The following ART3 variants were observed in gnomAD, a reference collection of about 807,000 sequenced individuals.
The protein encoded by ART3 is ADP-ribosyltransferase 3 (inactive).
Under a neutral mutation model 48.5 loss-of-function variants are expected in ART3, and 49 were observed. That is an observed-to-expected ratio of 1.01 (90% CI 0.80 to 1.28). ART3 has a LOEUF of 1.28. Among genes scored for constraint, ART3 ranks in the 50% most tolerant of loss-of-function variants. ART3 has a pLI of 0.00. For missense variants in ART3, 438 were observed against 454.3 expected, an observed-to-expected ratio of 0.96 and a Z score of 0.33; for synonymous variants, 145 against 157.2, an observed-to-expected ratio of 0.92 and a Z score of 0.58.
chr4:76,022,657 C>A, intron 1 of ART3: 1 of 1,606,358 alleles, frequency 6.2e-7, no homozygotes, highest in Non-Finnish European at 8.5e-7. Flanking sequence ...TAATTACAAC[C>A]AGGGAAGTGA....
Position 76,022,279 on chromosome 4 carries a change from C to T in ART3, c.-10+10959C>T, listed in dbSNP as rs1199199869. ...TAACATACTTTTAAACCAGCGATTG[C>T]ACAGCAAACCACAATGCAAGTATTT... On this transcript the variant is annotated intron_variant, in intron 1 of 9. Coordinates refer to the ART3 transcript ENST00000341029. 5 of 1,104,582 alleles carry T rather than the reference C, an allele frequency of 4.5e-6. No homozygotes were observed. In the East Asian group the frequency reaches 9.4e-5, roughly 21 times the overall value. 68.4% of individuals were successfully genotyped at this position (1,104,582 alleles called of 1,614,324 possible).
At chr4:76,090,446 C>G (rs777750018) in intron 3 of ART3, among the ~76,000 whole-genome samples, 8 of 152,194 alleles carry the variant, frequency 5.3e-5, no homozygotes, top group African/African-American at 9.7e-5. Context: ...TCTGACGTAG[C>G]CTTGTTGCCA....
chr4:76,043,533 T>G (rs908893687), intron 1 of ART3, among the ~76,000 whole-genome samples: 1 of 152,106 alleles, frequency 6.6e-6, no homozygotes, highest in Non-Finnish European at 1.5e-5. Flanking sequence ...GCCTGGGTGC[T>G]AAGCCCCTCA....
chr4:76,078,015 T>C (rs1721515873), intron 2 of ART3, among the ~76,000 whole-genome samples: 1 of 152,206 alleles, frequency 6.6e-6, no homozygotes, highest in South Asian at 2.1e-4. Context: ...TTTCTCTCCT[T>C]GACCTTTAGG....
intron 1 of ART3, among the ~76,000 whole-genome samples, chr4:76,018,045 T>C (rs984720810): frequency 6.6e-6 from 1 of 152,202 alleles, no homozygotes; most frequent in African/African-American, 2.4e-5. Flanking sequence ...TGGATATTTC[T>C]CAAAGAACTT....
intron 1 of ART3, among the ~76,000 whole-genome samples, chr4:76,059,382 T>C (rs977559551): frequency 6.6e-5 from 10 of 151,546 alleles, no homozygotes; most frequent in African/African-American, 2.2e-4. Flanking sequence ...CTTTTTTTTT[T>C]CCTGAGCTTT....
At chr4:76,044,545 G>A (rs1301029255) in intron 1 of ART3, among the ~76,000 whole-genome samples, 1 of 152,014 alleles carries the variant, frequency 6.6e-6, no homozygotes. Context: ...TAAAGGAAAA[G>A]GGTACACTGT....
At chr4:76,071,516 C>G (rs2149505437), upstream of ART3, among the ~76,000 whole-genome samples, 1 of 152,084 alleles carries the variant, frequency 6.6e-6, no homozygotes, top group South Asian at 2.1e-4. Flanking sequence ...TCTCCAATTC[C>G]TCTTTTCATT....
chr4:76,060,259 T>C (rs1057354815), intron 1 of ART3, among the ~76,000 whole-genome samples: 1 of 152,194 alleles, frequency 6.6e-6, no homozygotes, highest in Admixed American at 6.5e-5. Flanking sequence ...GAATCATAAG[T>C]TACTGATTAA....
intron 1 of ART3, among the ~76,000 whole-genome samples, chr4:76,040,448 A>G (rs898623877): frequency 6.8e-6 from 1 of 146,412 alleles, no homozygotes; most frequent in African/African-American, 2.6e-5. Flanking sequence ...ACACACACAC[A>G]CACACACACA....
intron 1 of ART3, among the ~76,000 whole-genome samples, chr4:76,013,709 G>A (rs778557876): frequency 6.6e-6 from 1 of 152,134 alleles, no homozygotes; most frequent in Non-Finnish European, 1.5e-5. Context: ...AAACGTTTCT[G>A]TATCTTCTGT....
At chr4:76,099,200 G>T in intron 5 of ART3, 2 of 496,772 alleles carry the variant, frequency 4.0e-6, no homozygotes, top group Non-Finnish European at 7.4e-6. Flanking sequence ...TACTTGGGAG[G>T]CTGAGGCAGG....
rs1165410858 is a variant in ART3, at chr4:76,035,404, T to G, written c.-10+24084T>G. 3 of 1,557,044 alleles carry G rather than the reference T, an allele frequency of 1.9e-6. No individual in the cohort carries two copies. The African/African-American group carries it at 4.1e-5, about 21-fold the overall frequency. On this transcript the variant is annotated intron_variant, in intron 1 of 9. Coordinates refer to the ART3 transcript ENST00000341029. The stretch of plus-strand genomic sequence containing the variant: ...GATTGCAACAGATGGCTGTGGTTTA[T>G]AGCTGGTGGTGAACGTGAGCAGAAT...
At chr4:76,071,139 C>G (rs1720270488), upstream of ART3, among the ~76,000 whole-genome samples, 1 of 152,002 alleles carries the variant, frequency 6.6e-6, no homozygotes, top group Non-Finnish European at 1.5e-5. Flanking sequence ...CATTTGAGGC[C>G]AAGAATTCAA....
At chr4:76,045,231 A>C (rs891332930) in intron 1 of ART3, among the ~76,000 whole-genome samples, 6 of 152,032 alleles carry the variant, frequency 3.9e-5, no homozygotes, top group African/African-American at 7.2e-5. Context: ...CTCGGGCGGC[A>C]TAAGTCTGGA....
At chr4:76,069,736 C>G (rs191106442), upstream of ART3, among the ~76,000 whole-genome samples, 1 of 152,002 alleles carries the variant, frequency 6.6e-6, no homozygotes, top group African/African-American at 2.4e-5. Flanking sequence ...GTGGGTATAT[C>G]ACAGTTTGTA....
intron 2 of ART3, among the ~76,000 whole-genome samples, chr4:76,079,885 C>G (rs1201019263): frequency 2.0e-5 from 3 of 151,082 alleles, no homozygotes; most frequent in Admixed American, 1.3e-4. Flanking sequence ...CTCTCTCTCT[C>G]TGTCTCTCTC....
intron 8 of ART3, 26 bp from the exon 9 acceptor site, chr4:76,103,911 A>T (rs1442287197): frequency 6.2e-7 from 1 of 1,609,218 alleles, no homozygotes; most frequent in South Asian, 1.1e-5. Context: ...TGATTAATAC[A>T]AACCAATATT....
chr4:76,103,875 G>T, intron 8 of ART3, 62 bp from the exon 9 acceptor site: 3 of 1,276,358 alleles, frequency 2.4e-6, no homozygotes, highest in Non-Finnish European at 3.2e-6. Context: ...ATAGACAAAA[G>T]AAGAGTATTA....
Sources: allele counts gnomAD v4.1 joint callset (sites outside exome capture counted in the v4.1 genomes callset), GRCh38; gene constraint gnomAD v4.1.1; transcripts MANE v1.5; gene names NCBI Gene and HGNC (gene_info 2026-07-23, HGNC 2026-07-21).